LGSN: variants seen among roughly 807,000 people sequenced by gnomAD.
The protein encoded by LGSN is lengsin, lens protein with glutamine synthetase domain, also known as lengsin.
Under a neutral mutation model 19.5 loss-of-function variants are expected in LGSN, and 21 were observed. That is an observed-to-expected ratio of 1.07 (90% CI 0.76 to 1.55). The LOEUF (loss-of-function observed/expected upper bound fraction) is 1.55, where lower values mean the gene tolerates loss of function less well. LGSN is among the 40% of genes most tolerant of loss of function. The pLI, the probability that LGSN is intolerant of heterozygous loss-of-function variation, is 0.00. For missense variants in LGSN, 673 were observed against 608.5 expected (o/e 1.11, Z -1.12); for synonymous variants, 257 against 215.6 (o/e 1.19, Z -1.68).
the LGSN span, among the ~76,000 whole-genome samples, chr6:63,529,542 G>A: frequency 2.0e-5 from 3 of 151,790 alleles, no homozygotes; most frequent in Non-Finnish European, 2.9e-5. Flanking sequence ...TACCTCTCTC[G>A]CTTTTAATTC....
chr6:63,529,347 A>G, the LGSN span, among the ~76,000 whole-genome samples: 3 of 150,232 alleles, frequency 2.0e-5, no homozygotes, highest in Non-Finnish European at 2.9e-5. Flanking sequence ...CAAGACAAAT[A>G]TCAGAACAAA....
chr6:63,545,199 G>A, the LGSN span, among the ~76,000 whole-genome samples: 38 of 152,168 alleles, frequency 2.5e-4, no homozygotes, highest in South Asian at 8.3e-4. Flanking sequence ...TACTCAAATC[G>A]TCCCAGATTT....
the LGSN span, among the ~76,000 whole-genome samples, chr6:63,553,226 A>T: frequency 6.6e-6 from 1 of 152,214 alleles, no homozygotes. Context: ...AGTTTAACGT[A>T]ATCTGTTGAT....
At chr6:63,507,712 A>C in the LGSN span, among the ~76,000 whole-genome samples, 1 of 152,346 alleles carries the variant, frequency 6.6e-6, no homozygotes, top group Admixed American at 6.5e-5. Context: ...TACCTGAATT[A>C]TCCCAGTAAA....
the LGSN span, among the ~76,000 whole-genome samples, chr6:63,487,509 A>G: frequency 1.3e-5 from 2 of 152,316 alleles, no homozygotes; most frequent in East Asian, 1.9e-4. Context: ...CTACTCTTTA[A>G]TATTTTTTGC....
At chr6:63,339,693 G>A in the LGSN span, among the ~76,000 whole-genome samples, 1 of 151,990 alleles carries the variant, frequency 6.6e-6, no homozygotes, top group Admixed American at 6.6e-5. Context: ...GTTATCAATA[G>A]GTGAGGACTT....
chr6:63,377,848 A>G, the LGSN span, among the ~76,000 whole-genome samples: 1 of 140,100 alleles, frequency 7.1e-6, no homozygotes, highest in Non-Finnish European at 1.5e-5. Flanking sequence ...CGGGAGGTGG[A>G]GGTCGCAGTG....
intron 1 of LGSN, among the ~76,000 whole-genome samples, chr6:63,300,880 T>C (rs1189080858): frequency 6.6e-6 from 1 of 152,238 alleles, no homozygotes; most frequent in African/African-American, 2.4e-5. Flanking sequence ...AAATGGTTTT[T>C]ATCTGCAGAT....
chr6:63,359,378 C>G, the LGSN span, among the ~76,000 whole-genome samples: 1 of 152,154 alleles, frequency 6.6e-6, no homozygotes, highest in Non-Finnish European at 1.5e-5. Context: ...CTGTCTTTTT[C>G]TATTGATTGG....
upstream of LGSN, among the ~76,000 whole-genome samples, chr6:63,323,338 A>G (rs1230193905): frequency 6.6e-6 from 1 of 152,178 alleles, no homozygotes; most frequent in Non-Finnish European, 1.5e-5. Context: ...TAGTGTAGCC[A>G]TCACCGGAAT....
chr6:63,470,929 CTTTCT>C, the LGSN span, among the ~76,000 whole-genome samples: 2 of 123,782 alleles, frequency 1.6e-5, no homozygotes, highest in East Asian at 2.5e-4. Flanking sequence ...CAGATTCAGT[CTTTCT>C]TTTTTTTTTT....
At chr6:63,541,062 GGAAA>G in the LGSN span, among the ~76,000 whole-genome samples, 1 of 145,460 alleles carries the variant, frequency 6.9e-6, no homozygotes, top group Non-Finnish European at 1.5e-5. Context: ...AGGAAGGGAG[GGAAA>G]GAAAGAAATC....
chr6:63,449,198 T>A, the LGSN span, among the ~76,000 whole-genome samples: 1 of 151,452 alleles, frequency 6.6e-6, no homozygotes, highest in African/African-American at 2.4e-5. Flanking sequence ...TTTAAATAAA[T>A]AAACCCACCA....
chr6:63,345,481 G>T, the LGSN span, among the ~76,000 whole-genome samples: 3 of 152,194 alleles, frequency 2.0e-5, no homozygotes, highest in Non-Finnish European at 4.4e-5. Flanking sequence ...CAAAGACACA[G>T]TATCTTCATG....
At chr6:63,557,190 T>C in the LGSN span, among the ~76,000 whole-genome samples, 61 of 152,172 alleles carry the variant, frequency 4.0e-4, no homozygotes, top group Non-Finnish European at 2.9e-4. Flanking sequence ...AATGCTGCAA[T>C]AGAGGTATTT....
chr6:63,469,431 A>G, the LGSN span, among the ~76,000 whole-genome samples: 1 of 152,232 alleles, frequency 6.6e-6, no homozygotes, highest in African/African-American at 2.4e-5. Flanking sequence ...ATTAAAAATT[A>G]AAGTAAAGAT....
At chr6:63,458,674 G>A in the LGSN span, among the ~76,000 whole-genome samples, 27 of 152,206 alleles carry the variant, frequency 1.8e-4, no homozygotes, top group South Asian at 2.5e-3. Context: ...CTGGGTTCTC[G>A]CTAGGGACCT....
At chr6:63,375,059 T>G in the LGSN span, among the ~76,000 whole-genome samples, 1 of 152,210 alleles carries the variant, frequency 6.6e-6, no homozygotes. Flanking sequence ...GCTATAAGAC[T>G]CTATTGTTAT....
the LGSN span, among the ~76,000 whole-genome samples, chr6:63,556,323 T>G: frequency 6.7e-6 from 1 of 149,296 alleles, no homozygotes; most frequent in Non-Finnish European, 1.5e-5. Flanking sequence ...CAAACTTGGT[T>G]TTTTTTTTTC....
Sources: allele counts gnomAD v4.1 joint callset (sites outside exome capture counted in the v4.1 genomes callset), GRCh38; gene constraint gnomAD v4.1.1; transcripts MANE v1.5; gene names NCBI Gene and HGNC (gene_info 2026-07-23, HGNC 2026-07-21).